Variants in LCP2 observed in about 807,000 individuals in gnomAD.
LCP2 encodes the protein 76 kDa tyrosine phosphoprotein.
LCP2 carries 29 observed loss-of-function variants against 74.5 expected under a neutral mutation model. That is an observed-to-expected ratio of 0.39 (90% CI 0.29 to 0.53). LCP2 has a LOEUF of 0.53. LCP2 is among the 20% of genes least tolerant of loss of function. The pLI is 0.72. For missense variants in LCP2, 604 were observed against 634.6 expected (o/e 0.95, Z 0.52); for synonymous variants, 228 against 229.5 (o/e 0.99, Z 0.06).
chr5:170,261,689 C>G (rs1054482601), intron 13 of LCP2, among the ~76,000 whole-genome samples: 1 of 152,176 alleles, frequency 6.6e-6, no homozygotes, highest in African/African-American at 2.4e-5. Context: ...GCTTGGTACA[C>G]TTTGCCCAGA....
At chr5:170,289,535 A>G (rs2113211076) in intron 2 of LCP2, among the ~76,000 whole-genome samples, 1 of 152,256 alleles carries the variant, frequency 6.6e-6, no homozygotes, top group Non-Finnish European at 1.5e-5. Flanking sequence ...TGGTGAAGGG[A>G]GTCAGCCAGA....
In LCP2 at chr5:170,288,023, T is replaced by G. The variant is rs1762214032; in HGVS notation, c.142-7A>C. On this transcript the variant is annotated splice_region_variant and splice_polypyrimidine_tract_variant and intron_variant, in intron 2 of 20. Coordinates refer to ENST00000046794, the MANE Select transcript of LCP2 (RefSeq NM_005565.5). ...TGTCATTTTCTGTCAGGTTCTGAAA[T>G]GAAGACACATATGGCAGGCAGGTTA... is the stretch of plus-strand genomic sequence containing the variant. 1 of 1,613,916 alleles carries G rather than the reference T, an allele frequency of 6.2e-7. No individual in the cohort carries two copies. Among genetic ancestry groups the G allele is most frequent in the East Asian group, 2.2e-5 (1 of 44,880 alleles).
intron 2 of LCP2, among the ~76,000 whole-genome samples, chr5:170,292,489 T>C (rs895810391): frequency 6.6e-6 from 1 of 152,170 alleles, no homozygotes; most frequent in Non-Finnish European, 1.5e-5. Flanking sequence ...CCAACTGGCC[T>C]GAAGTCTCAT....
At chr5:170,257,103 C>T (rs1260070271) in intron 16 of LCP2, among the ~76,000 whole-genome samples, 7 of 152,134 alleles carry the variant, frequency 4.6e-5, no homozygotes, top group Admixed American at 4.6e-4. Flanking sequence ...CCCTGAAATG[C>T]AGTCTGTTCC....
intron 10 of LCP2, among the ~76,000 whole-genome samples, chr5:170,265,234 G>A (rs369354461): frequency 6.6e-5 from 10 of 152,092 alleles, no homozygotes; most frequent in African/African-American, 1.7e-4. Context: ...TGATCTGCCC[G>A]CCTCAGCCTC....
In LCP2 at chr5:170,248,643, T is replaced by C; in HGVS notation, c.*54A>G. 6.2e-7 allele frequency: 1 copy of C among 1,604,262 alleles called. No individual in the cohort carries two copies. The highest frequency in any genetic ancestry group is 8.5e-7 in the Non-Finnish European group (1 of 1,173,844). ...TTGTCCATTGACCAAGGCTGATTGA[T>C]CTCGTGTTGGCAACAGAGGCAGGAG... On this transcript the variant is annotated 3_prime_UTR_variant, in exon 21 of 21. Transcript: ENST00000046794.
Position 170,297,752 on chromosome 5 carries a change from T to C in LCP2, c.-141A>G, listed in dbSNP as rs1762418035. On this transcript the variant is annotated 5_prime_UTR_variant, in exon 1 of 21. Transcript: ENST00000046794. ...TGTGGAACACCCCTGTTGGAGCCGATGTCTTTTCTGGCGTAGCCAGATCCC... is the reference window on the plus strand; with the variant it reads ...TGTGGAACACCCCTGTTGGAGCCGACGTCTTTTCTGGCGTAGCCAGATCCC... 1.7e-6 allele frequency: 1 copy of C among 599,156 alleles called. No individual in the cohort carries two copies. Among genetic ancestry groups the C allele is most frequent in the African/African-American group, 1.9e-5 (1 of 53,190 alleles). 37.1% of individuals were successfully genotyped at this position (599,156 alleles called of 1,614,324 possible). A position where few individuals can be genotyped will look rare whatever the true frequency, so the allele number is the denominator to read the frequency against.
At chr5:170,273,821 G>A (rs1761937386) in intron 6 of LCP2, 1 of 157,300 alleles carries the variant, frequency 6.4e-6, no homozygotes, top group South Asian at 1.8e-4. Context: ...GCCAACAGTT[G>A]GTTCTGAAGT....
intron 13 of LCP2, among the ~76,000 whole-genome samples, chr5:170,261,758 G>T (rs555268920): frequency 6.6e-6 from 1 of 152,304 alleles, no homozygotes; most frequent in African/African-American, 2.4e-5. Flanking sequence ...ACAGGCATCT[G>T]CACTGCCTGG....
intron 3 of LCP2, among the ~76,000 whole-genome samples, chr5:170,279,206 G>T (rs1274254497): frequency 6.6e-6 from 1 of 152,152 alleles, no homozygotes; most frequent in Non-Finnish European, 1.5e-5. Flanking sequence ...CTGGAAATGG[G>T]CTGAACCTCC....
Position 170,295,186 on chromosome 5 carries a change from AGGAATT to A in LCP2, c.79-1820_79-1815del, listed in dbSNP as rs1401754740. Among the ~76,000 whole-genome samples the A allele has an allele frequency of 2.6e-5, 4 of 152,334 alleles. No individual in the cohort carries two copies. The South Asian group carries it at 6.2e-4, about 24-fold the overall frequency. On this transcript the variant is annotated intron_variant, in intron 1 of 20. Transcript: ENST00000046794. ...CAAGGATGTTCTCCTGCAAGTCAAA[AGGAATT>A]GGAGAGATTGAACAAATATGTAACA...
intron 3 of LCP2, among the ~76,000 whole-genome samples, chr5:170,285,965 C>A (rs1762176604): frequency 6.6e-6 from 1 of 152,228 alleles, no homozygotes; most frequent in African/African-American, 2.4e-5. Flanking sequence ...CCTGGAGATT[C>A]TCAAAGCAGC....
Position 170,289,677 on chromosome 5 carries a change from C to T in LCP2, c.142-1661G>A, listed in dbSNP as rs937940719. ...TCTTTCTTTCTTTCTTTCTTTCTCT[C>T]TCTCTCTCTTTCTTTCTTTCTTTCC... On this transcript the variant is annotated intron_variant, in intron 2 of 20. Coordinates refer to ENST00000046794, the MANE Select transcript of LCP2 (RefSeq NM_005565.5). 1.0e-3 allele frequency among the ~76,000 whole-genome samples: 146 copies of T among 143,684 alleles called. 1 individual carries two copies. The highest frequency in any genetic ancestry group is 3.0e-3 in the African/African-American group (115 of 38,154). The allele number at this position is 143,684 out of a possible 152,430, so 94.3% of individuals were successfully genotyped here. A position where few individuals can be genotyped will look rare whatever the true frequency, so the allele number is the denominator to read the frequency against.
chr5:170,266,116 C>T (rs1424213882), intron 10 of LCP2, among the ~76,000 whole-genome samples: 1 of 152,140 alleles, frequency 6.6e-6, no homozygotes, highest in Non-Finnish European at 1.5e-5. Flanking sequence ...AGAGCACTTG[C>T]CCCATAGCAG....
In LCP2 at chr5:170,266,773, A is replaced by C. The variant is rs1198707932; in HGVS notation, c.772+35T>G. 9 of 1,549,094 alleles carry C rather than the reference A, an allele frequency of 5.8e-6. 1 individual carries two copies. In the South Asian group the frequency reaches 1.0e-4, roughly 17 times the overall value. The stretch of plus-strand genomic sequence containing the variant: ...AGGAAGCACTTTATAACAGCTTATC[A>C]TTATTACTATGCATTAAATGTGAAT... On this transcript the variant is annotated intron_variant, in intron 10 of 20. Coordinates refer to ENST00000046794, the MANE Select transcript of LCP2 (RefSeq NM_005565.5).
In LCP2 at chr5:170,248,589, G is replaced by T; in HGVS notation, c.*108C>A. On this transcript the variant is annotated 3_prime_UTR_variant, in exon 21 of 21. Coordinates refer to ENST00000046794, the MANE Select transcript of LCP2 (RefSeq NM_005565.5). ...GAAAGGATAAAACCCTTGTGTTCAT[G>T]GGGAGGGGTTCAGTTCAGTCCTAAG... is the stretch of plus-strand genomic sequence containing the variant. 1 of 1,153,534 alleles carries T rather than the reference G, an allele frequency of 8.7e-7. No homozygotes were observed. The highest frequency in any genetic ancestry group is 2.5e-5 in the East Asian group (1 of 40,592). 71.5% of individuals were successfully genotyped at this position (1,153,534 alleles called of 1,614,324 possible). A position where few individuals can be genotyped will look rare whatever the true frequency, so the allele number is the denominator to read the frequency against.
intron 10 of LCP2, among the ~76,000 whole-genome samples, chr5:170,263,218 A>C (rs1761694546): frequency 6.6e-6 from 1 of 152,238 alleles, no homozygotes; most frequent in South Asian, 2.1e-4. Flanking sequence ...AAGGTCACAC[A>C]GCTTTGTGTA....
chr5:170,283,493 G>A (rs1167363205), intron 3 of LCP2, among the ~76,000 whole-genome samples: 1 of 152,106 alleles, frequency 6.6e-6, no homozygotes, highest in Non-Finnish European at 1.5e-5. Context: ...AGCCCTAGGG[G>A]AGGCTCCTAG....
chr5:170,255,785 C>T (rs1182551593), intron 17 of LCP2, among the ~76,000 whole-genome samples: 2 of 152,176 alleles, frequency 1.3e-5, no homozygotes, highest in Non-Finnish European at 2.9e-5. Context: ...CAGGCCTCAC[C>T]CCAGACCTCC....
Sources: allele counts gnomAD v4.1 joint callset (sites outside exome capture counted in the v4.1 genomes callset), GRCh38; gene constraint gnomAD v4.1.1; transcripts MANE v1.5; gene names NCBI Gene and HGNC (gene_info 2026-07-23, HGNC 2026-07-21).